ZEB1: variants seen among roughly 807,000 people sequenced by gnomAD.
ZEB1 encodes zinc finger E-box binding homeobox 1, also known as zinc finger E-box-binding homeobox 1.
Under a neutral mutation model 84.9 loss-of-function variants are expected in ZEB1, and 21 were observed. That is an observed-to-expected ratio of 0.25 (90% CI 0.18 to 0.36). The LOEUF (loss-of-function observed/expected upper bound fraction) is 0.36. Ranked by LOEUF, ZEB1 falls within the 10% of genes least tolerant of loss-of-function variation. The pLI is 1.00. For synonymous variants in ZEB1, 420 were observed against 471.1 expected (o/e 0.89, Z 1.41); for missense variants, 1,104 against 1,330.2 (o/e 0.83, Z 2.65).
chr10:31,451,331 T>C (rs1272154218), intron 1 of ZEB1, among the ~76,000 whole-genome samples: 6 of 152,212 alleles, frequency 3.9e-5, no homozygotes, highest in African/African-American at 1.4e-4. Context: ...TTAATTTTTT[T>C]CTCTAGGATT....
intron 1 of ZEB1, among the ~76,000 whole-genome samples, chr10:31,425,006 A>T (rs917124144): frequency 1.3e-5 from 2 of 152,004 alleles, no homozygotes; most frequent in African/African-American, 2.4e-5. Context: ...AATTTTTTTT[A>T]AATGGGAAAA....
intron 2 of ZEB1, among the ~76,000 whole-genome samples, chr10:31,481,864 G>A (rs1328180694): frequency 1.3e-5 from 2 of 151,976 alleles, no homozygotes; most frequent in African/African-American, 4.8e-5. Context: ...GAAAGGACAG[G>A]TCTTCCTTAC....
chr10:31,426,446 T>G (rs1394295249), intron 1 of ZEB1, among the ~76,000 whole-genome samples: 2 of 152,206 alleles, frequency 1.3e-5, no homozygotes, highest in Non-Finnish European at 2.9e-5. Context: ...GACACTTTTC[T>G]TAAAAGACAG....
chr10:31,438,648 C>A lies in ZEB1; in HGVS notation c.59-22389C>A, dbSNP rs373986895. 2.5e-4 allele frequency among the ~76,000 whole-genome samples: 38 copies of A among 152,204 alleles called. 1 individual carries two copies. Among genetic ancestry groups the A allele is most frequent in the African/African-American group, 8.2e-4 (34 of 41,532 alleles). On this transcript the variant is annotated intron_variant, in intron 1 of 8. Transcript: ENST00000424869. ...GCCAGGGGCTCAAGACCACCATAGG[C>A]AACATAGTGAGACCCTGTCTCTATA...
At chr10:31,415,728 G>T (rs1046163706) in intron 1 of ZEB1, among the ~76,000 whole-genome samples, 1 of 151,906 alleles carries the variant, frequency 6.6e-6, no homozygotes, top group Non-Finnish European at 1.5e-5. Context: ...TCTGTATTTG[G>T]GATATTTGTT....
chr10:31,370,674 T>TA (rs766120418), intron 1 of ZEB1, among the ~76,000 whole-genome samples: 5 of 152,214 alleles, frequency 3.3e-5, no homozygotes, highest in Non-Finnish European at 7.3e-5. Flanking sequence ...GTATGTAGGT[T>TA]AAAAAGTTGA....
chr10:31,370,256 A>G (rs188783154), intron 1 of ZEB1, among the ~76,000 whole-genome samples: 3 of 152,262 alleles, frequency 2.0e-5, no homozygotes, highest in Admixed American at 6.5e-5. Flanking sequence ...ACTGATATCC[A>G]TATGGCAGGC....
intron 1 of ZEB1, among the ~76,000 whole-genome samples, chr10:31,328,369 T>C (rs181294548): frequency 5.9e-5 from 9 of 152,302 alleles, no homozygotes; most frequent in Admixed American, 5.2e-4. Context: ...AGTCTAAGAA[T>C]TGGGAAAGTT....
At chr10:31,511,259 C>A (rs2069946878) in intron 5 of ZEB1, among the ~76,000 whole-genome samples, 1 of 152,108 alleles carries the variant, frequency 6.6e-6, no homozygotes, top group Non-Finnish European at 1.5e-5. Context: ...ACCAAATTGA[C>A]AAGAAAGTCA....
intron 7 of ZEB1, among the ~76,000 whole-genome samples, chr10:31,523,333 T>C (rs1322572036): frequency 6.6e-6 from 1 of 152,186 alleles, no homozygotes; most frequent in Admixed American, 6.5e-5. Flanking sequence ...GTTAAAAAGA[T>C]AGACCCTCCT....
rs527478484 is a variant in ZEB1 at position 31,465,010 on chromosome 10, T to C, written c.259+3773T>C. Among the ~76,000 whole-genome samples, 12 of 152,270 alleles carry C rather than the reference T, an allele frequency of 7.9e-5. No homozygotes were observed. In the East Asian group the frequency reaches 2.3e-3, roughly 29 times the overall value. On this transcript the variant is annotated intron_variant, in intron 2 of 8. Coordinates refer to ENST00000424869, the MANE Select transcript of ZEB1 (RefSeq NM_001174096.2). ...AGAAAGAATGAATAAGACCTACTAT[T>C]TGATAGCACAATAGGGTGACTGCAG...
chr10:31,339,131 T>C (rs1164739072), intron 1 of ZEB1, among the ~76,000 whole-genome samples: 1 of 152,156 alleles, frequency 6.6e-6, no homozygotes, highest in Non-Finnish European at 1.5e-5. Flanking sequence ...GAGCATTTAC[T>C]GTAGAAGTTC....
chr10:31,359,624 CTG>C (rs1004626698), intron 1 of ZEB1, among the ~76,000 whole-genome samples: 1 of 152,060 alleles, frequency 6.6e-6, no homozygotes, highest in Non-Finnish European at 1.5e-5. Context: ...TTATTACTAA[CTG>C]ATGTTATTAA....
intron 1 of ZEB1, among the ~76,000 whole-genome samples, chr10:31,450,331 G>T (rs1468198010): frequency 2.0e-5 from 3 of 151,998 alleles, no homozygotes; most frequent in Non-Finnish European, 4.4e-5. Context: ...GCTAGTAATA[G>T]AATTTTTTCC....
intron 1 of ZEB1, among the ~76,000 whole-genome samples, chr10:31,373,392 A>G (rs2134504240): frequency 6.6e-6 from 1 of 152,006 alleles, no homozygotes; most frequent in African/African-American, 2.4e-5. Flanking sequence ...AAATAGTATA[A>G]AAGTATGGAA....
chr10:31,399,544 A>G (rs571417672), intron 1 of ZEB1, among the ~76,000 whole-genome samples: 1 of 151,858 alleles, frequency 6.6e-6, no homozygotes, highest in African/African-American at 2.4e-5. Context: ...TACCATCTCT[A>G]CTCCTACAAC....
At chr10:31,320,213 C>T (rs973270915) in intron 1 of ZEB1, 1 of 151,780 alleles carries the variant, frequency 6.6e-6, no homozygotes, top group Non-Finnish European at 1.5e-5. Flanking sequence ...GAAAGGTACC[C>T]ACTTAACGCC....
chr10:31,321,300 T>C, intron 1 of ZEB1: 1 of 1,398,134 alleles, frequency 7.2e-7, no homozygotes, highest in Non-Finnish European at 9.3e-7. Flanking sequence ...ATTCGAGCCA[T>C]CATTAAAATC....
intron 1 of ZEB1, 120 bp downstream of exon 1, chr10:31,319,412 G>A: frequency 1.0e-6 from 1 of 992,624 alleles, no homozygotes; most frequent in South Asian, 1.4e-5. Context: ...CGGCAAAGTG[G>A]AGTGGGAAAG....
Sources: allele counts gnomAD v4.1 joint callset (sites outside exome capture counted in the v4.1 genomes callset), GRCh38; gene constraint gnomAD v4.1.1; transcripts MANE v1.5; gene names NCBI Gene and HGNC (gene_info 2026-07-23, HGNC 2026-07-21).